Variants in COMMD10 observed in about 807,000 individuals in gnomAD.
The protein encoded by COMMD10 is COMM domain-containing protein 10.
In COMMD10, 33 loss-of-function variants were observed where a neutral mutation model predicts 28.9. That is an observed-to-expected ratio of 1.14 (90% confidence interval 0.87 to 1.53). The LOEUF is 1.53. COMMD10 is among the 40% of genes most tolerant of loss of function. The pLI is 0.00. For missense variants in COMMD10, 310 were observed against 233.4 expected (o/e 1.33, Z -2.14); for synonymous variants, 110 against 81.7 (o/e 1.35, Z -1.87).
At chr5:116,194,230 A>C (rs1239627894) in intron 5 of COMMD10, among the ~76,000 whole-genome samples, 1 of 152,178 alleles carries the variant, frequency 6.6e-6, no homozygotes, top group East Asian at 1.9e-4. Flanking sequence ...GAAGGAGCAC[A>C]AACTGACATT....
chr5:116,201,985 C>T (rs1172795426), intron 5 of COMMD10, among the ~76,000 whole-genome samples: 5 of 151,496 alleles, frequency 3.3e-5, no homozygotes, highest in African/African-American at 2.4e-5. Context: ...GTGCTGCACC[C>T]ATTAACTCGT....
chr5:116,168,089 C>T (rs1479883837), intron 5 of COMMD10, among the ~76,000 whole-genome samples: 1 of 146,648 alleles, frequency 6.8e-6, no homozygotes, highest in African/African-American at 2.6e-5. Context: ...GGAGACCCAT[C>T]TCGTGTGCAA....
At chr5:116,240,810 G>A (rs747161636) in intron 5 of COMMD10, among the ~76,000 whole-genome samples, 3 of 152,126 alleles carry the variant, frequency 2.0e-5, no homozygotes, top group Non-Finnish European at 4.4e-5. Context: ...TGGTGATTTC[G>A]AACTTGTAGC....
rs567827259 is a variant in COMMD10, at chr5:116,114,719, G to A, written c.400-19349G>A. Reference sequence around the variant, plus strand: ...GAGAGTGGGGCTACTGGTCCCAGTGGTTTCAGCATTGGCTGGCAAGTGGGG... The same window carrying A: ...GAGAGTGGGGCTACTGGTCCCAGTGATTTCAGCATTGGCTGGCAAGTGGGG... On this transcript the variant is annotated intron_variant, in intron 4 of 6. Transcript: ENST00000274458. 3.3e-5 allele frequency among the ~76,000 whole-genome samples: 5 copies of A among 152,316 alleles called. No individual in the cohort carries two copies. In the South Asian group the frequency reaches 1.0e-3, roughly 32 times the overall value.
chr5:116,271,304 TA>T (rs1258709321), intron 5 of COMMD10, among the ~76,000 whole-genome samples: 6 of 147,076 alleles, frequency 4.1e-5, no homozygotes, highest in African/African-American at 1.2e-4. Flanking sequence ...ATTTAATATA[TA>T]AAATATATAT....
chr5:116,168,051 G>A lies in COMMD10; in HGVS notation c.510+33873G>A, dbSNP rs181489703. 1.1e-4 allele frequency among the ~76,000 whole-genome samples: 17 copies of A among 150,046 alleles called. No homozygotes were observed. The East Asian group carries it at 3.3e-3, about 29-fold the overall frequency. Reference sequence around the variant, plus strand: ...GACACACACTGGTAAATTGGATAGAGTCAAGACCCATTGGTGTGCTGTATT... The same window carrying A: ...GACACACACTGGTAAATTGGATAGAATCAAGACCCATTGGTGTGCTGTATT... On this transcript the variant is annotated intron_variant, in intron 5 of 6. Transcript: ENST00000274458.
At chr5:116,103,269 A>G (rs1325237359) in intron 4 of COMMD10, among the ~76,000 whole-genome samples, 5 of 152,316 alleles carry the variant, frequency 3.3e-5, no homozygotes, top group African/African-American at 7.2e-5. Context: ...TGGTTGAACT[A>G]ATTTACACTC....
At chr5:116,248,767 G>T (rs1750029608) in intron 5 of COMMD10, among the ~76,000 whole-genome samples, 1 of 151,878 alleles carries the variant, frequency 6.6e-6, no homozygotes, top group Non-Finnish European at 1.5e-5. Flanking sequence ...AACAAAATGT[G>T]TCATGTGAAG....
intron 4 of COMMD10, among the ~76,000 whole-genome samples, chr5:116,118,412 C>T (rs1331645595): frequency 1.3e-5 from 2 of 152,128 alleles, no homozygotes; most frequent in African/African-American, 4.8e-5. Context: ...AGTAGAGTGT[C>T]AGTAAATATT....
chr5:116,145,595 A>G (rs1304676134), intron 5 of COMMD10, among the ~76,000 whole-genome samples: 1 of 151,652 alleles, frequency 6.6e-6, no homozygotes, highest in Non-Finnish European at 1.5e-5. Flanking sequence ...ACCTAGCCAT[A>G]CTCTCTGATG....
chr5:116,160,531 A>G (rs1380398790), intron 5 of COMMD10, among the ~76,000 whole-genome samples: 3 of 149,490 alleles, frequency 2.0e-5, no homozygotes, highest in African/African-American at 7.3e-5. Context: ...GGTACAAGGT[A>G]ATAGATTTAT....
Position 116,166,472 on chromosome 5 carries a change from C to T in COMMD10, c.510+32294C>T, listed in dbSNP as rs1271995097. On this transcript the variant is annotated intron_variant, in intron 5 of 6. Transcript: ENST00000274458. ...CCATCTAATAAATTGAAATGCTGTG[C>T]GTTTAGCCCTCAAGCTCTGTTAAGG... Among the ~76,000 whole-genome samples, 4 of 152,104 alleles carry T rather than the reference C, an allele frequency of 2.6e-5. No homozygotes were observed. The East Asian group carries it at 5.8e-4, about 22-fold the overall frequency.
At chr5:116,189,359 G>C (rs954576408) in intron 5 of COMMD10, among the ~76,000 whole-genome samples, 3 of 152,172 alleles carry the variant, frequency 2.0e-5, no homozygotes, top group African/African-American at 7.2e-5. Flanking sequence ...TCTCATACCA[G>C]TGGAGATACT....
At chr5:116,225,723 T>C (rs1414733299) in intron 5 of COMMD10, among the ~76,000 whole-genome samples, 7 of 152,114 alleles carry the variant, frequency 4.6e-5, no homozygotes, top group Admixed American at 1.3e-4. Flanking sequence ...ATCAAGCCTG[T>C]CTAGATTCAT....
At chr5:116,197,420 T>G (rs1398538859) in intron 5 of COMMD10, among the ~76,000 whole-genome samples, 1 of 152,176 alleles carries the variant, frequency 6.6e-6, no homozygotes, top group African/African-American at 2.4e-5. Flanking sequence ...CTTGCCCTGT[T>G]GCCCAGGCTG....
intron 5 of COMMD10, among the ~76,000 whole-genome samples, chr5:116,193,732 A>G (rs1748433231): frequency 6.6e-6 from 1 of 152,190 alleles, no homozygotes; most frequent in Admixed American, 6.5e-5. Flanking sequence ...GGAGGACTTC[A>G]GTACTCCACT....
At chr5:116,090,046 A>G (rs1750246329) in intron 2 of COMMD10, among the ~76,000 whole-genome samples, 1 of 152,158 alleles carries the variant, frequency 6.6e-6, no homozygotes. Context: ...TTGCCCCTCT[A>G]CTGGTACTTT....
chr5:116,163,662 A>C (rs564595958), intron 5 of COMMD10, among the ~76,000 whole-genome samples: 260 of 152,262 alleles, frequency 1.7e-3, no homozygotes, highest in African/African-American at 5.9e-3. Flanking sequence ...TTTTGTGAAT[A>C]GTTTATAGTA....
chr5:116,272,475 A>G (rs189514647), intron 5 of COMMD10, among the ~76,000 whole-genome samples: 246 of 151,990 alleles, frequency 1.6e-3, no homozygotes, highest in Non-Finnish European at 2.0e-3. Context: ...TAATAAGCAG[A>G]TGTTATCATT....
Sources: gnomAD v4.1 joint callset for allele counts (sites outside exome capture counted in the v4.1 genomes callset) on GRCh38, gnomAD v4.1.1 for gene constraint, MANE v1.5 for transcripts, NCBI Gene and HGNC (gene_info 2026-07-23, HGNC 2026-07-21) for gene names.